The following SLC25A6 variants were observed in gnomAD, a reference collection of about 807,000 sequenced individuals.
SLC25A6 encodes solute carrier family 25 member 6.
A neutral mutation model predicts 25.7 loss-of-function variants in SLC25A6; 9 were observed. That is an observed-to-expected ratio of 0.35 (90% CI 0.21 to 0.61). SLC25A6 has a LOEUF of 0.61. SLC25A6 is among the 20% of genes least tolerant of loss of function. SLC25A6 has a pLI of 0.76. For missense variants in SLC25A6, 404 were observed against 440.5 expected (o/e 0.92, Z 0.74); for synonymous variants, 223 against 197.0 (o/e 1.13, Z -1.11).
Position 1,389,436 on chromosome X carries a change from C to G in SLC25A6, c.403G>C (p.Asp135His), listed in dbSNP as rs140307739. The G allele has an allele frequency of 1.6e-5, 26 of 1,613,720 alleles. No individual in the cohort carries two copies. Among genetic ancestry groups the G allele is most frequent in the Non-Finnish European group, 2.2e-5 (26 of 1,179,902 alleles). ...ATSLCFVYPL[D>H]FARTRLAADV... Reference sequence around the variant, plus strand: ...GCTGCCAGGCGGGTTCTGGCGAAATCCAGCGGGTACACGAAGCAGAGGGAG... The same window carrying G: ...GCTGCCAGGCGGGTTCTGGCGAAATGCAGCGGGTACACGAAGCAGAGGGAG... Residue 135 changes from aspartate to histidine, a missense_variant, in exon 2 of 4, where the codon GAT (aspartate) becomes CAT (histidine). Coordinates refer to ENST00000381401, the MANE Select transcript of SLC25A6 (RefSeq NM_001636.4).
rs145484651 is a variant in SLC25A6, at chrX:1,386,643, A to T, written c.856T>A (p.Phe286Ile). 1,284 of 1,598,032 alleles carry T rather than the reference A, an allele frequency of 8.0e-4. 2 individuals are homozygous for T. The highest frequency in any genetic ancestry group is 1.0e-3 in the Non-Finnish European group (1,220 of 1,172,388). Residue 286 changes from phenylalanine (F) to isoleucine (I), a missense_variant, in exon 4 of 4, where the codon TTC becomes ATC. Physicochemically the swap from Phe to Ile is conservative, Grantham distance 21. Transcript: ENST00000381401. Reference sequence around the variant, plus strand: ...AGCTCGTCGTACAGGACCAGCACGAAGGCGCCCCCCATGCCCCGCAGGACG... The same window carrying T: ...AGCTCGTCGTACAGGACCAGCACGATGGCGCCCCCCATGCCCCGCAGGACG... ...SNVLRGMGGA[F>I]VLVLYDELKK...
Position 1,391,962 on chromosome X carries a change from G to A in SLC25A6, c.48C>T (p.Gly16=). The stretch of plus-strand genomic sequence containing the variant: ...CCGTCTTGGAGATGGCGGCGGCGAT[G>A]CCTCCGGCCAAGAAGTCTTTGGCGA... ...ISFAKDFLAG[G]IAAAISKTAV... is the part of the protein sequence containing the mutation. The change falls in exon 1 of 4, where the codon GGC becomes GGT. Residue 16 remains glycine, a synonymous_variant. Transcript: ENST00000381401. 6.2e-7 allele frequency: 1 copy of A among 1,609,722 alleles called. No individual in the cohort carries two copies. Among genetic ancestry groups the A allele is most frequent in the Middle Eastern group, 2.1e-4 (1 of 4,824 alleles).
At chrX:1,391,371 AAAGACAAAAAATGCATTGCTC>A (rs2089408204) in intron 1 of SLC25A6, among the ~76,000 whole-genome samples, 1 of 152,194 alleles carries the variant, frequency 6.6e-6, no homozygotes, top group South Asian at 2.1e-4. Context: ...GCCTCTCCCA[AAAGACAAAAAATGCATTGCTC>A]TGGATCAGAA....
intron 1 of SLC25A6, 71 bp downstream of exon 1, chrX:1,391,828 A>G: frequency 8.1e-7 from 1 of 1,241,444 alleles, no homozygotes; most frequent in Non-Finnish European, 1.1e-6. Flanking sequence ...TCTGCTGCCC[A>G]CGTCCCCGCC....
At chrX:1,391,824 GC>G in intron 1 of SLC25A6, 74 bp downstream of exon 1, 1 of 1,192,030 alleles carries the variant, frequency 8.4e-7, no homozygotes, top group South Asian at 1.3e-5. Flanking sequence ...AGGCTCTGCT[GC>G]CCACGTCCCC....
At chrX:1,388,281 G>A (rs1393355920) in intron 2 of SLC25A6, among the ~76,000 whole-genome samples, 1 of 150,090 alleles carries the variant, frequency 6.7e-6, no homozygotes, top group East Asian at 2.0e-4. Flanking sequence ...AATGTCTGTT[G>A]TTTACAGTCC....
rs2089373618 is a variant in SLC25A6 at position 1,389,487 on chromosome X, C to T, written c.352G>A (p.Ala118Thr). ...QFWRYFAGNL[A>T]SGGAAGATSL... ...GTCGCGCCGGCCGCACCGCCGGAGG[C>T]CAGGTTGCCCGCAAAGTACCTCCAG... Residue 118 changes from alanine to threonine, a missense_variant, in exon 2 of 4, where the codon GCC (alanine) becomes ACC (threonine). By Grantham distance (58) the Ala-to-Thr change is moderately conservative. Transcript: ENST00000381401. 3 of 1,613,972 alleles carry T rather than the reference C, an allele frequency of 1.9e-6. No homozygotes were observed. In the South Asian group the frequency reaches 3.3e-5, roughly 18 times the overall value.
rs1363676523 is a variant in SLC25A6, at chrX:1,389,194, G to A, written c.598+47C>T. ...CCCACAGGACCCTGGGGGAACGTCT[G>A]TGTGTTGAGCCCGTCTCTGGGACTT... On this transcript the variant is annotated intron_variant, in intron 2 of 3. Transcript: ENST00000381401. 4 of 1,586,470 alleles carry A rather than the reference G, an allele frequency of 2.5e-6. No individual in the cohort carries two copies. The East Asian group carries it at 6.7e-5, about 27-fold the overall frequency.
intron 1 of SLC25A6, among the ~76,000 whole-genome samples, chrX:1,390,959 G>C (rs2089399166): frequency 6.6e-6 from 1 of 151,116 alleles, no homozygotes; most frequent in African/African-American, 2.4e-5. Flanking sequence ...ATGGGGTCTT[G>C]CTATGTTGTC....
rs113634215 is a variant in SLC25A6 at position 1,386,568 on chromosome X, G to GGTGTGT, written c.*28_*33dup. 15 of 1,359,414 alleles carry GGTGTGT rather than the reference G, an allele frequency of 1.1e-5. No individual in the cohort carries two copies. Among genetic ancestry groups the GGTGTGT allele is most frequent in the Admixed American group, 1.0e-4 (4 of 39,712 alleles). The allele number at this position is 1,359,414 out of a possible 1,614,324, so 84.2% of individuals were successfully genotyped here. A position where few individuals can be genotyped will look rare whatever the true frequency, so the allele number is the denominator to read the frequency against. On this transcript the variant is annotated 3_prime_UTR_variant, in exon 4 of 4. Transcript: ENST00000381401. ...TCTACGTGGTTCTCTTGGTTCCCCT[G>GGTGTGT]GTGTGTGTGTGTGTGTGGAGGAGGC... is the stretch of plus-strand genomic sequence containing the variant.
chrX:1,391,005 G>A (rs183372114), intron 1 of SLC25A6, among the ~76,000 whole-genome samples: 36 of 147,514 alleles, frequency 2.4e-4, no homozygotes, highest in African/African-American at 7.3e-4. Context: ...ACGCCACCCT[G>A]TACTAGGTTT....
rs2089328073 is a variant in SLC25A6, at chrX:1,386,635, C to T, written c.864G>A (p.Leu288=). The part of the protein sequence containing the change: ...VLRGMGGAFV[L]VLYDELKKVI ...CCTTCTTGAGCTCGTCGTACAGGACCAGCACGAAGGCGCCCCCCATGCCCC... is the reference window on the plus strand; with the variant it reads ...CCTTCTTGAGCTCGTCGTACAGGACTAGCACGAAGGCGCCCCCCATGCCCC... Residue 288 remains leucine, a synonymous_variant, in exon 4 of 4, where the codon CTG becomes CTA. Transcript: ENST00000381401. 1 of 1,597,096 alleles carries T rather than the reference C, an allele frequency of 6.3e-7. No individual in the cohort carries two copies. The highest frequency in any genetic ancestry group is 1.4e-5 in the African/African-American group (1 of 74,028).
At chrX:1,391,384 G>T (rs1352339959) in intron 1 of SLC25A6, among the ~76,000 whole-genome samples, 1 of 152,224 alleles carries the variant, frequency 6.6e-6, no homozygotes, top group African/African-American at 2.4e-5. Flanking sequence ...GACAAAAAAT[G>T]CATTGCTCTG....
intron 2 of SLC25A6, 150 bp from the exon 3 acceptor site, chrX:1,387,569 G>C (rs1419129503): frequency 8.5e-7 from 1 of 1,177,166 alleles, no homozygotes; most frequent in African/African-American, 1.5e-5. Flanking sequence ...CTCAGTGCCA[G>C]CTGACGTTTA....
At position 1,389,440 on chromosome X, in the gene SLC25A6, C is replaced by T. The variant is rs144081830; in HGVS notation, c.399G>A (p.Pro133=). 8.0e-5 allele frequency: 129 copies of T among 1,613,734 alleles called. 1 individual carries two copies. In the African/African-American group the frequency reaches 9.1e-4, roughly 11 times the overall value. The change falls in exon 2 of 4, where the codon CCG becomes CCA. Residue 133 remains proline (P), a synonymous_variant. Transcript: ENST00000381401. ...CCAGGCGGGTTCTGGCGAAATCCAG[C>T]GGGTACACGAAGCAGAGGGAGGTCG... The part of the protein sequence containing the change: ...AGATSLCFVY[P]LDFARTRLAA...
chrX:1,390,162 C>G (rs1406080834), intron 1 of SLC25A6: 1 of 207,326 alleles, frequency 4.8e-6, no homozygotes, highest in Non-Finnish European at 9.8e-6. Context: ...AGATGCACAA[C>G]CATCAAGCTC....
At chrX:1,389,813 A>C (rs1424812281) in intron 1 of SLC25A6, 86 bp from the exon 2 acceptor site, 3 of 1,553,240 alleles carry the variant, frequency 1.9e-6, no homozygotes, top group Non-Finnish European at 2.6e-6. Flanking sequence ...TTTTTTTGAC[A>C]CAAGTCACTC....
At position 1,386,468 on chromosome X, in the gene SLC25A6, A is replaced by G; in HGVS notation, c.*134T>C. 1 of 1,204,036 alleles carries G rather than the reference A, an allele frequency of 8.3e-7. No homozygotes were observed. Among genetic ancestry groups the G allele is most frequent in the African/African-American group, 1.6e-5 (1 of 63,230 alleles). The allele number at this position is 1,204,036 out of a possible 1,614,324, so 74.6% of individuals were successfully genotyped here. The stretch of plus-strand genomic sequence containing the variant: ...CCCTTTTCTAGAGCCTTCCCCGGCC[A>G]TCTACAGGCAGGATGCGGCTGGGAA... On this transcript the variant is annotated 3_prime_UTR_variant, in exon 4 of 4. Coordinates refer to ENST00000381401, the MANE Select transcript of SLC25A6 (RefSeq NM_001636.4).
intron 3 of SLC25A6, 26 bp from the exon 4 acceptor site, chrX:1,386,785 G>C: frequency 6.3e-7 from 1 of 1,594,122 alleles, no homozygotes; most frequent in Non-Finnish European, 8.5e-7. Context: ...GACAGTGAGG[G>C]CCTCGCCGCC....
Sources: allele counts gnomAD v4.1 joint callset (sites outside exome capture counted in the v4.1 genomes callset), GRCh38; gene constraint gnomAD v4.1.1; transcripts MANE v1.5; gene names NCBI Gene and HGNC (gene_info 2026-07-23, HGNC 2026-07-21).